Variants in FLT4 observed in about 807,000 individuals in gnomAD.
FLT4 encodes the protein fms related receptor tyrosine kinase 4.
A neutral mutation model predicts 163.2 loss-of-function variants in FLT4; 30 were observed. The ratio of observed to expected loss-of-function variants is 0.18; its 90% CI spans 0.14 to 0.25. FLT4 has a LOEUF of 0.25. Among genes scored for constraint, FLT4 ranks in the 10% least tolerant of loss-of-function variants. FLT4 has a pLI of 1.00. For synonymous variants in FLT4, 884 were observed against 789.5 expected (o/e 1.12, Z -2.01); for missense variants, 1,510 against 1,863.8 (o/e 0.81, Z 3.50).
At chr5:180,615,546 C>G (rs111727906) in intron 23 of FLT4, among the ~76,000 whole-genome samples, 28 of 24,924 alleles carry the variant, frequency 1.1e-3, no homozygotes, top group Non-Finnish European at 2.3e-3. Flanking sequence ...GAGCACTGGG[C>G]CCGCCGGTCA....
rs1406168996 is a variant in FLT4 at position 180,619,753 on chromosome 5, G to A, written c.2559C>T (p.Tyr853=). The change falls in exon 18 of 30, where the codon TAC becomes TAT. Residue 853 remains tyrosine, a synonymous_variant. Transcript: ENST00000261937. ...CTTCCACCACCTTCCCGAAGGCGCC[G>A]TAGCCGAGCACTCTCCCTGTCGGGG... The part of the protein sequence containing the change: ...ERLHLGRVLG[Y]GAFGKVVEAS... 18 of 1,612,078 alleles carry A rather than the reference G, an allele frequency of 1.1e-5. No individual in the cohort carries two copies. Among genetic ancestry groups the A allele is most frequent in the African/African-American group, 5.3e-5 (4 of 74,924 alleles).
chr5:180,609,096 C>T, intron 28 of FLT4, 43 bp from the exon 29 acceptor site: 1 of 1,568,114 alleles, frequency 6.4e-7, no homozygotes, highest in Non-Finnish European at 8.8e-7. Context: ...CCGCCTGAGG[C>T]CCTCCTGCAG....
Position 180,619,030 on chromosome 5 carries a change from G to T in FLT4, c.2841C>A (p.Ser947Arg), listed in dbSNP as rs1338815640. 3 of 1,553,322 alleles carry T rather than the reference G, an allele frequency of 1.9e-6. No homozygotes were observed. Among genetic ancestry groups the T allele is most frequent in the Non-Finnish European group, 2.6e-6 (3 of 1,149,488 alleles). ...NFLRAKRDAF[S>R]PCAEKSPEQR... is the part of the protein sequence containing the mutation. Reference sequence around the variant, plus strand: ...CAGGCCGCCCGCTCACCGCGCAGGGGCTGAAGGCGTCCCGCTTGGCGCGCA... The same window carrying T: ...CAGGCCGCCCGCTCACCGCGCAGGGTCTGAAGGCGTCCCGCTTGGCGCGCA... The change falls in exon 20 of 30, where the codon AGC becomes AGA. Residue 947 changes from serine (S) to arginine (R), a missense_variant. Ser to Arg is a moderately radical substitution (Grantham distance 110, BLOSUM62 -1). This residue lies in a region of FLT4 where 878 missense variants were observed against 1,016.7 expected (regional missense o/e 0.86). Coordinates refer to ENST00000261937, the MANE Select transcript of FLT4 (RefSeq NM_182925.5).
In FLT4 at chr5:180,620,918, C is replaced by T. The variant is rs770591360; in HGVS notation, c.2257G>A (p.Ala753Thr). ...GCGGAGGAGTTGACGCAGCCCTTGGCGTTGCACACGCTGCACAGATAGCGT... is the reference window on the plus strand; with the variant it reads ...GCGGAGGAGTTGACGCAGCCCTTGGTGTTGCACACGCTGCACAGATAGCGT... ...AGRYLCSVCN[A>T]KGCVNSSASV... Residue 753 changes from alanine to threonine, a missense_variant, in exon 15 of 30, where the codon GCC becomes ACC. Around this residue, in one of 5 missense-constraint regions of FLT4, gnomAD observed 878 missense variants for 1,016.7 expected, o/e 0.86. Transcript: ENST00000261937. This position sits in a 1 kb window ranked among gnomAD's most constrained non-coding sequence, Gnocchi z 4.4. The T allele has an allele frequency of 6.2e-7, 1 of 1,609,974 alleles. No individual in the cohort carries two copies. The highest frequency in any genetic ancestry group is 1.7e-5 in the Admixed American group (1 of 59,758).
Position 180,629,724 on chromosome 5 carries a change from G to A in FLT4, c.788C>T (p.Thr263Ile), listed in dbSNP as rs765990308. The A allele has an allele frequency of 1.9e-6, 3 of 1,611,868 alleles. No homozygotes were observed. The highest frequency in any genetic ancestry group is 1.3e-5 in the African/African-American group (1 of 75,032). ...TVWAEFNSGVTFDWDYPGKQA... is the reference protein window; with the variant it reads ...TVWAEFNSGVIFDWDYPGKQA... The stretch of plus-strand genomic sequence containing the variant: ...CTTCCCTGGGTAGTCCCAGTCAAAG[G>A]TGACACCTGAGTTAAACTCAGCCCA... Residue 263 changes from threonine to isoleucine, a missense_variant, in exon 6 of 30, where the codon ACC (threonine) becomes ATC (isoleucine). Thr to Ile is a moderately conservative substitution (Grantham distance 89, BLOSUM62 -1). Around this residue, in one of 5 missense-constraint regions of FLT4, gnomAD observed 163 missense variants for 281.1 expected, o/e 0.58. Transcript: ENST00000261937.
chr5:180,638,058 C>T (rs963839767), intron 1 of FLT4, among the ~76,000 whole-genome samples: 7 of 152,160 alleles, frequency 4.6e-5, no homozygotes, highest in African/African-American at 7.2e-5. Flanking sequence ...TAGGGAGCCG[C>T]GCATGCTCTC....
chr5:180,643,495 C>T (rs894451847), intron 1 of FLT4, among the ~76,000 whole-genome samples: 4 of 152,014 alleles, frequency 2.6e-5, no homozygotes, highest in Non-Finnish European at 5.9e-5. Flanking sequence ...GCTCTCCCCC[C>T]GGGTGGCAAT....
rs754829541 is a variant in FLT4, at chr5:180,603,249, C to T, written c.4035G>A (p.Glu1345=). Residue 1345 remains glutamate, a synonymous_variant, in exon 30 of 30, where the codon GAG becomes GAA. Transcript: ENST00000261937. ...GGGCAGACGGGGAGCAGTGGTCCTC[C>T]TCGCTTGGCTCCGACAGCTCCCCAT... ...SEYGELSEPS[E]EDHCSPSARV... 4 of 1,614,076 alleles carry T rather than the reference C, an allele frequency of 2.5e-6. No individual in the cohort carries two copies. In the East Asian group the frequency reaches 6.7e-5, roughly 27 times the overall value.
intron 6 of FLT4, 109 bp downstream of exon 6, chr5:180,629,587 C>T: frequency 1.3e-6 from 2 of 1,487,476 alleles, no homozygotes; most frequent in Non-Finnish European, 1.8e-6. Context: ...GACCGGGGCC[C>T]CTGGGGCAGG....
chr5:180,621,407 G>A (rs1409404690), intron 13 of FLT4, 135 bp downstream of exon 13: 19 of 1,436,760 alleles, frequency 1.3e-5, no homozygotes, highest in Non-Finnish European at 1.8e-5. Flanking sequence ...GGGGGCGGCG[G>A]ATAGTCAGGA....
chr5:180,612,154 G>A (rs983526273), intron 26 of FLT4, among the ~76,000 whole-genome samples: 1 of 152,204 alleles, frequency 6.6e-6, no homozygotes, highest in East Asian at 1.9e-4. Context: ...GTTCAGTGGA[G>A]TGGGGGACAG....
chr5:180,629,881 C>A (rs1241535074), intron 5 of FLT4, 46 bp from the exon 6 acceptor site: 4 of 1,612,660 alleles, frequency 2.5e-6, no homozygotes, highest in Middle Eastern at 1.6e-4. Flanking sequence ...CAGGACGACA[C>A]CCACTGAGGC....
intron 1 of FLT4, among the ~76,000 whole-genome samples, chr5:180,642,661 C>T (rs1016767924): frequency 2.6e-5 from 4 of 152,176 alleles, no homozygotes; most frequent in Non-Finnish European, 5.9e-5. Context: ...CCCCAGACCT[C>T]GAGCCCAGCC....
rs2127837824 is a variant in FLT4, at chr5:180,630,367, G to T, written c.401-30C>A. ...GGAGAGGGAGCAAGCTGTTGGGGAA[G>T]GGACGTGGCGGCCAGGCTGGGGGAG... is the stretch of plus-strand genomic sequence containing the variant. On this transcript the variant is annotated intron_variant, in intron 3 of 29. Transcript: ENST00000261937. The surrounding 1 kb of genome is among the most constrained non-coding windows in gnomAD (Gnocchi z 6.3). 1 of 1,592,852 alleles carries T rather than the reference G, an allele frequency of 6.3e-7. No homozygotes were observed.
At chr5:180,610,925 CG>C (rs71577413) in intron 27 of FLT4, among the ~76,000 whole-genome samples, 3 of 152,094 alleles carry the variant, frequency 2.0e-5, no homozygotes, top group African/African-American at 7.2e-5. Flanking sequence ...GGCGTGGTGG[CG>C]GGTGCCTGTA....
At chr5:180,604,535 C>T (rs996062999) in intron 29 of FLT4, among the ~76,000 whole-genome samples, 3 of 152,184 alleles carry the variant, frequency 2.0e-5, no homozygotes, top group African/African-American at 7.2e-5. Context: ...CTATGTCATT[C>T]TCCTCCTGAC....
intron 1 of FLT4, among the ~76,000 whole-genome samples, chr5:180,641,721 C>T (rs947231080): frequency 6.6e-6 from 1 of 152,214 alleles, no homozygotes; most frequent in African/African-American, 2.4e-5. Context: ...AAGGGGCTGT[C>T]GGTCCTCACT....
At chr5:180,610,396 T>C (rs1260823404) in intron 27 of FLT4, among the ~76,000 whole-genome samples, 1 of 152,220 alleles carries the variant, frequency 6.6e-6, no homozygotes, top group African/African-American at 2.4e-5. Flanking sequence ...GTGGGTGCAC[T>C]AAGGCACACG....
intron 10 of FLT4, among the ~76,000 whole-genome samples, chr5:180,625,639 A>T (rs977686661): frequency 1.3e-5 from 2 of 152,226 alleles, no homozygotes; most frequent in African/African-American, 4.8e-5. Flanking sequence ...TCCTGTGTCC[A>T]GCTTGGCCAG....
Sources: allele counts gnomAD v4.1 joint callset (sites outside exome capture counted in the v4.1 genomes callset), GRCh38; gene constraint gnomAD v4.1.1; regional missense constraint gnomAD v4.1.1; non-coding constraint Gnocchi (gnomAD v3.1); transcripts MANE v1.5; gene names NCBI Gene and HGNC (gene_info 2026-07-23, HGNC 2026-07-21).